Variants in FHAD1 observed in about 807,000 individuals in gnomAD.
FHAD1 encodes forkhead-associated domain-containing protein 1.
Under a neutral mutation model 191.3 loss-of-function variants are expected in FHAD1, and 146 were observed. The observed-to-expected ratio is 0.76, with a 90% CI of 0.67 to 0.88. FHAD1 has a LOEUF of 0.88. Among genes scored for constraint, FHAD1 ranks in the 40% least tolerant of loss-of-function variants. The pLI, the probability that FHAD1 is intolerant of heterozygous loss-of-function variation, is 0.00. For missense variants in FHAD1, 1,635 were observed against 1,785.8 expected (o/e 0.92, Z 1.52); for synonymous variants, 616 against 672.3 (o/e 0.92, Z 1.29).
At chr1:15,280,843 A>G (rs183268315) in intron 3 of FHAD1, among the ~76,000 whole-genome samples, 1 of 152,350 alleles carries the variant, frequency 6.6e-6, no homozygotes, top group East Asian at 1.9e-4. Flanking sequence ...AGGAAAAGGA[A>G]AACTTTAAGC....
intron 2 of FHAD1, among the ~76,000 whole-genome samples, chr1:15,258,779 G>C (rs1198080276): frequency 6.6e-6 from 1 of 151,816 alleles, no homozygotes; most frequent in Non-Finnish European, 1.5e-5. Context: ...ATAGAGACTG[G>C]GTTTCACCAT....
intron 33 of FHAD1, among the ~76,000 whole-genome samples, chr1:15,392,348 C>A (rs373034527): frequency 1.3e-5 from 2 of 152,062 alleles, no homozygotes; most frequent in South Asian, 2.1e-4. Flanking sequence ...CTGGCTAACA[C>A]GGTGAAACCC....
intron 2 of FHAD1, among the ~76,000 whole-genome samples, chr1:15,264,584 T>C (rs1652637012): frequency 6.9e-6 from 1 of 144,842 alleles, no homozygotes; most frequent in African/African-American, 2.5e-5. Context: ...GTGTGATCTT[T>C]AGGGCTTTCT....
chr1:15,265,853 C>G (rs1003760076), intron 2 of FHAD1, among the ~76,000 whole-genome samples: 1 of 151,128 alleles, frequency 6.6e-6, no homozygotes, highest in Admixed American at 6.6e-5. Context: ...CCCCTGTAAT[C>G]CCAGCTACTC....
chr1:15,278,475 C>CTTTTTTTTTTTTT (rs34110532), intron 3 of FHAD1, among the ~76,000 whole-genome samples: 5,494 of 123,200 alleles, frequency 0.045, 541 homozygotes, highest in African/African-American at 0.13. Flanking sequence ...TTCATTACCT[C>CTTTTTTTTTTTTT]TTTTTTTTTT....
chr1:15,274,683 A>G lies in FHAD1; in HGVS notation c.300+2154A>G, dbSNP rs190233186. Among the ~76,000 whole-genome samples, 7 of 152,290 alleles carry G rather than the reference A, an allele frequency of 4.6e-5. No individual in the cohort carries two copies. In the East Asian group the frequency reaches 9.6e-4, roughly 21 times the overall value. ...AGTGAATGAGAACGGTAGAGTTATTATAATGGAATAATGAGGAGGAGCAGG... is the reference window on the plus strand; with the variant it reads ...AGTGAATGAGAACGGTAGAGTTATTGTAATGGAATAATGAGGAGGAGCAGG... On this transcript the variant is annotated intron_variant, in intron 3 of 33. Coordinates refer to ENST00000688493, the MANE Select transcript of FHAD1 (RefSeq NM_001391957.1).
chr1:15,377,291 AC>A (rs1699891145), intron 28 of FHAD1, among the ~76,000 whole-genome samples: 1 of 152,100 alleles, frequency 6.6e-6, no homozygotes, highest in Non-Finnish European at 1.5e-5. Context: ...AGAAAATCAA[AC>A]CCTACTTCCC....
chr1:15,374,138 TC>T (rs1263379305), intron 26 of FHAD1, among the ~76,000 whole-genome samples: 2 of 152,212 alleles, frequency 1.3e-5, no homozygotes, highest in Non-Finnish European at 2.9e-5. Context: ...TCATGGGTTC[TC>T]ATCTGAAAAT....
At chr1:15,339,631 C>T (rs1442292338) in intron 15 of FHAD1, 80 bp downstream of exon 15, 1 of 561,220 alleles carries the variant, frequency 1.8e-6, no homozygotes, top group African/African-American at 2.0e-5. Context: ...CATTTGAAAC[C>T]TGTTTTTTCT....
chr1:15,245,456 G>A (rs896593244), upstream of FHAD1, among the ~76,000 whole-genome samples: 1 of 152,194 alleles, frequency 6.6e-6, no homozygotes, highest in Non-Finnish European at 1.5e-5. Flanking sequence ...TAGAAAAGAT[G>A]ATATGTGAGT....
intron 3 of FHAD1, among the ~76,000 whole-genome samples, chr1:15,287,493 AG>A (rs1318929404): frequency 1.3e-5 from 2 of 152,142 alleles, no homozygotes. Flanking sequence ...GTGCAGAGCA[AG>A]GGGGTGGGGA....
rs1658276657 is a variant in FHAD1, at chr1:15,276,094, C to T, written c.300+3565C>T. Among the ~76,000 whole-genome samples the T allele has an allele frequency of 6.6e-6, 1 of 152,204 alleles. No homozygotes were observed. Among genetic ancestry groups the T allele is most frequent in the South Asian group, 2.1e-4 (1 of 4,824 alleles). ...CTGAAGTTCAAGTGAGTCTGCCCCA[C>T]ACAGTTCTGCCCTGCTCTTGACCAG... On this transcript the variant is annotated intron_variant, in intron 3 of 33. Transcript: ENST00000688493. This position sits in a 1 kb window ranked among gnomAD's most constrained non-coding sequence, Gnocchi z 4.7.
chr1:15,273,508 G>T (rs1344586584), intron 3 of FHAD1, among the ~76,000 whole-genome samples: 2 of 152,028 alleles, frequency 1.3e-5, no homozygotes, highest in Non-Finnish European at 2.9e-5. Flanking sequence ...TTGCTTCCTT[G>T]CTTTGAACAG....
intron 31 of FHAD1, among the ~76,000 whole-genome samples, chr1:15,386,173 G>A (rs560334751): frequency 6.6e-6 from 1 of 152,216 alleles, no homozygotes; most frequent in Non-Finnish European, 1.5e-5. Flanking sequence ...GACCTGCTTC[G>A]TGGGGTGGTT....
intron 4 of FHAD1, among the ~76,000 whole-genome samples, chr1:15,292,054 T>A (rs1664955467): frequency 6.6e-6 from 1 of 152,230 alleles, no homozygotes; most frequent in South Asian, 2.1e-4. Flanking sequence ...TTGTGTTCTC[T>A]CAAAATTTAT....
intron 31 of FHAD1, chr1:15,383,555 C>A (rs1412713842): frequency 3.0e-6 from 1 of 335,864 alleles, no homozygotes; most frequent in Non-Finnish European, 5.9e-6. Flanking sequence ...ATTCATCATC[C>A]ACTCCTGCAG....
chr1:15,333,824 CTTTTT>C (rs55698715), intron 14 of FHAD1, among the ~76,000 whole-genome samples: 9 of 64,808 alleles, frequency 1.4e-4, no homozygotes, highest in African/African-American at 5.3e-4. Context: ...TTTTATTTAT[CTTTTT>C]TTTTTTTTTT....
intron 14 of FHAD1, among the ~76,000 whole-genome samples, chr1:15,337,775 AAAC>A (rs1196286352): frequency 2.0e-5 from 3 of 152,084 alleles, no homozygotes; most frequent in Non-Finnish European, 2.9e-5. Flanking sequence ...TTAAAAAAAA[AAAC>A]AACGCTCTTC....
intron 20 of FHAD1, among the ~76,000 whole-genome samples, chr1:15,353,704 C>CAAAAAAAAA (rs60518389): frequency 2.3e-4 from 14 of 60,982 alleles, no homozygotes; most frequent in East Asian, 1.4e-3. Flanking sequence ...GACTCCATCT[C>CAAAAAAAAA]AAAAAAAAAA....
Sources: gnomAD v4.1 joint callset for allele counts (sites outside exome capture counted in the v4.1 genomes callset) on GRCh38, gnomAD v4.1.1 for gene constraint, Gnocchi (gnomAD v3.1) non-coding constraint, MANE v1.5 for transcripts, NCBI Gene and HGNC (gene_info 2026-07-23, HGNC 2026-07-21) for gene names.